MUSK: variants seen among roughly 807,000 people sequenced by gnomAD.
The protein encoded by MUSK is muscle associated receptor tyrosine kinase.
MUSK carries 55 observed loss-of-function variants against 88.7 expected under a neutral mutation model. The ratio of observed to expected loss-of-function variants is 0.62; its 90% confidence interval spans 0.50 to 0.78. The LOEUF is 0.78. MUSK is among the 30% of genes least tolerant of loss of function. The pLI, the probability that MUSK is intolerant of heterozygous loss-of-function variation, is 0.00. For synonymous variants in MUSK, 387 were observed against 391.9 expected (o/e 0.99, Z 0.15); for missense variants, 1,015 against 1,074.3 (o/e 0.94, Z 0.77).
chr9:110,728,572 A>G (rs1160979182), intron 5 of MUSK: 2 of 713,876 alleles, frequency 2.8e-6, no homozygotes, highest in Non-Finnish European at 4.9e-6. Flanking sequence ...AGCAGCTTCT[A>G]ATTAATCTTG....
At chr9:110,700,619 G>A (rs1008710690) in intron 5 of MUSK, among the ~76,000 whole-genome samples, 2 of 129,018 alleles carry the variant, frequency 1.6e-5, no homozygotes, top group East Asian at 2.3e-4. Context: ...ATTTCTCTTC[G>A]AAAAATATTG....
At chr9:110,722,423 T>C (rs2076825684) in intron 5 of MUSK, among the ~76,000 whole-genome samples, 1 of 151,730 alleles carries the variant, frequency 6.6e-6, no homozygotes, top group African/African-American at 2.4e-5. Flanking sequence ...TCAGCTGCCC[T>C]GGAGGCTGAG....
chr9:110,716,512 T>A (rs1043700254), intron 5 of MUSK, among the ~76,000 whole-genome samples: 2 of 150,286 alleles, frequency 1.3e-5, no homozygotes, highest in African/African-American at 5.0e-5. Context: ...TTTATAAACA[T>A]TATATTTTAA....
intron 7 of MUSK, among the ~76,000 whole-genome samples, chr9:110,748,607 C>T (rs987674934): frequency 5.9e-5 from 9 of 152,096 alleles, no homozygotes; most frequent in Admixed American, 1.3e-4. Flanking sequence ...AGATTCATAG[C>T]GTGCCTAGGG....
chr9:110,674,194 T>C (rs1236854767), intron 1 of MUSK, among the ~76,000 whole-genome samples: 1 of 152,170 alleles, frequency 6.6e-6, no homozygotes, highest in African/African-American at 2.4e-5. Context: ...TAATGAGCAC[T>C]GAGTTGGGAA....
chr9:110,697,649 T>G (rs2076450566), intron 5 of MUSK, among the ~76,000 whole-genome samples, 183 bp downstream of exon 5: 1 of 152,074 alleles, frequency 6.6e-6, no homozygotes, highest in Non-Finnish European at 1.5e-5. Flanking sequence ...AAGAAAGAAA[T>G]TTTCACTAGT....
chr9:110,768,172 C>A, intron 9 of MUSK, 89 bp downstream of exon 9: 3 of 1,312,460 alleles, frequency 2.3e-6, no homozygotes, highest in Non-Finnish European at 3.2e-6. Flanking sequence ...TAATATGCAA[C>A]AGTAAAAGGA....
chr9:110,707,303 T>G (rs2076612619), intron 5 of MUSK, among the ~76,000 whole-genome samples: 1 of 152,212 alleles, frequency 6.6e-6, no homozygotes, highest in Non-Finnish European at 1.5e-5. Context: ...TGTTATAAGA[T>G]TTTTTAAACA....
chr9:110,781,558 GAGCTACTGCTCCC>G (rs1412080089), intron 11 of MUSK, among the ~76,000 whole-genome samples: 4 of 152,116 alleles, frequency 2.6e-5, no homozygotes, highest in African/African-American at 7.2e-5. Context: ...TTACAGGCGT[GAGCTACTGCTCCC>G]AGCCCACACC....
In MUSK at chr9:110,671,679, C is replaced by T. The variant is rs911388497; in HGVS notation, c.79+2696C>T. Among the ~76,000 whole-genome samples the T allele has an allele frequency of 1.6e-4, 24 of 152,142 alleles. 1 individual carries two copies. Among genetic ancestry groups the T allele is most frequent in the African/African-American group, 5.3e-4 (22 of 41,416 alleles). ...TTCAATGATGAATTCAGTGCCATAA[C>T]CCAAGTAGTAGAATTTCACAAACTG... On this transcript the variant is annotated intron_variant, in intron 1 of 14. Coordinates refer to ENST00000374448, the MANE Select transcript of MUSK (RefSeq NM_005592.4).
chr9:110,682,702 A>G lies in MUSK; in HGVS notation c.108A>G (p.Thr36=), dbSNP rs773795010. The part of the protein sequence containing the change: ...KAPVITTPLE[T]VDALVEEVAT... ...CTGTCATCACCACTCCTCTTGAAAC[A>G]GTGGATGCCTTAGTTGAAGAAGTGG... is the stretch of plus-strand genomic sequence containing the variant. The change falls in exon 2 of 15, where the codon ACA becomes ACG. Residue 36 remains threonine, a synonymous_variant. Coordinates refer to ENST00000374448, the MANE Select transcript of MUSK (RefSeq NM_005592.4). 3.7e-6 allele frequency: 6 copies of G among 1,612,686 alleles called. No individual in the cohort carries two copies. In the African/African-American group the frequency reaches 4.0e-5, roughly 11 times the overall value.
chr9:110,739,641 C>A lies in MUSK; in HGVS notation c.753+5266C>A, dbSNP rs189372216. On this transcript the variant is annotated intron_variant, in intron 6 of 14. Transcript: ENST00000374448. Reference sequence around the variant, plus strand: ...CATCTCTCAGGAGCCAAAGGCCAGACCTTTCTTTGGAATGTGTAGGGTTTG... The same window carrying A: ...CATCTCTCAGGAGCCAAAGGCCAGAACTTTCTTTGGAATGTGTAGGGTTTG... Among the ~76,000 whole-genome samples the A allele has an allele frequency of 6.6e-3, 1,006 of 152,268 alleles. 34 individuals are homozygous for A. The South Asian group carries it at 0.11, about 16-fold the overall frequency.
At chr9:110,710,051 A>G (rs2076648810) in intron 5 of MUSK, among the ~76,000 whole-genome samples, 1 of 152,218 alleles carries the variant, frequency 6.6e-6, no homozygotes, top group Non-Finnish European at 1.5e-5. Context: ...TATTTTATAG[A>G]TAAAGACACT....
intron 3 of MUSK, among the ~76,000 whole-genome samples, chr9:110,689,367 T>C (rs1256361852): frequency 1.7e-5 from 2 of 117,326 alleles, no homozygotes; most frequent in African/African-American, 3.5e-5. Context: ...TAAATACATA[T>C]TTATATATAT....
rs12348614 is a variant in MUSK at position 110,728,692 on chromosome 9, A to C, written c.629-5559A>C. On this transcript the variant is annotated intron_variant, in intron 5 of 14. Transcript: ENST00000374448. ...TTGTCTTGTTTTTATTAACAGAAGA[A>C]AGTGAACCCGAACAAGATACTAAAG... The C allele has an allele frequency of 0.023, 36,569 of 1,583,462 alleles. 1,343 individuals carry two copies. The highest frequency in any genetic ancestry group is 0.16 in the African/African-American group (11,694 of 73,754).
At chr9:110,712,155 T>C (rs895699518) in intron 5 of MUSK, among the ~76,000 whole-genome samples, 63 of 84,090 alleles carry the variant, frequency 7.5e-4, no homozygotes, top group Non-Finnish European at 1.4e-3. Flanking sequence ...CTCATGTTTA[T>C]TCTGAAAAAA....
chr9:110,803,588 A>T lies in MUSK; in HGVS notation c.*2600A>T, dbSNP rs865883137. On this transcript the variant is annotated 3_prime_UTR_variant, in exon 15 of 15. Transcript: ENST00000374448. ...TTGCATGTCGTTTCAAGCACACTCT[A>T]TATCTATATTTTATTCTATTAACTT... 1.3e-5 allele frequency among the ~76,000 whole-genome samples: 2 copies of T among 151,004 alleles called. No individual in the cohort carries two copies. Among genetic ancestry groups the T allele is most frequent in the African/African-American group, 5.0e-5 (2 of 40,260 alleles).
chr9:110,739,359 A>G (rs1397884827), intron 6 of MUSK, among the ~76,000 whole-genome samples: 2 of 152,184 alleles, frequency 1.3e-5, no homozygotes, highest in Non-Finnish European at 2.9e-5. Context: ...TGCATGAAGT[A>G]TTGTCAACCA....
intron 6 of MUSK, among the ~76,000 whole-genome samples, chr9:110,743,866 A>G (rs377420443): frequency 2.6e-5 from 4 of 152,340 alleles, no homozygotes; most frequent in East Asian, 3.9e-4. Context: ...CAGAAAAACT[A>G]TGGAAATGTC....
Sources: allele counts gnomAD v4.1 joint callset (sites outside exome capture counted in the v4.1 genomes callset), GRCh38; gene constraint gnomAD v4.1.1; transcripts MANE v1.5; gene names NCBI Gene and HGNC (gene_info 2026-07-23, HGNC 2026-07-21).